Variants in NELL2 observed in about 807,000 individuals in gnomAD.
The protein encoded by NELL2 is protein kinase C-binding protein NELL2.
In NELL2, 41 loss-of-function variants were observed where a neutral mutation model predicts 109.6. The observed-to-expected ratio is 0.37, with a 90% CI of 0.29 to 0.49. The LOEUF is 0.49. Ranked by LOEUF, NELL2 falls within the 20% of genes least tolerant of loss-of-function variation. The probability of loss-of-function intolerance (pLI) is 0.98; values close to 1 mark genes in which losing one functional copy is unlikely to be tolerated. For synonymous variants in NELL2, 355 were observed against 344.7 expected, an observed-to-expected ratio of 1.03 and a Z score of -0.33; for missense variants, 900 against 1,008.3, an observed-to-expected ratio of 0.89 and a Z score of 1.45.
Position 44,717,966 on chromosome 12 carries a change from A to C in NELL2, c.995-3225T>G, listed in dbSNP as rs576705682. Reference sequence around the variant, plus strand: ...GGTGCCCAGGAACAATAACAAGAACAAATGTCTATTACGTTAATTCACTAT... The same window carrying C: ...GGTGCCCAGGAACAATAACAAGAACCAATGTCTATTACGTTAATTCACTAT... On this transcript the variant is annotated intron_variant, in intron 9 of 19. Transcript: ENST00000429094. 6.1e-4 allele frequency among the ~76,000 whole-genome samples: 93 copies of C among 152,286 alleles called. 2 individuals are homozygous for C. Among genetic ancestry groups the C allele is most frequent in the Non-Finnish European group, 7.3e-5 (5 of 68,034 alleles).
chr12:44,887,656 G>GTGT lies in NELL2; in HGVS notation c.39-11759_39-11757dup, dbSNP rs755512287. ...GATTATTGTGTGTGTGTGTGTGTGTGTGTTGTTGTTGTTGTTGTTTTTGTT... is the reference window on the plus strand; with the variant it reads ...GATTATTGTGTGTGTGTGTGTGTGTGTGTTGTTGTTGTTGTTGTTGTTTTTGTT... On this transcript the variant is annotated intron_variant, in intron 1 of 20. Transcript: ENST00000333837. Among the ~76,000 whole-genome samples, 17 of 150,634 alleles carry GTGT rather than the reference G, an allele frequency of 1.1e-4. No homozygotes were observed. The South Asian group carries it at 1.7e-3, about 15-fold the overall frequency.
At chr12:44,804,311 C>CT (rs1437153101) in intron 3 of NELL2, among the ~76,000 whole-genome samples, 3 of 151,854 alleles carry the variant, frequency 2.0e-5, no homozygotes, top group African/African-American at 7.2e-5. Context: ...ACATGAATGA[C>CT]TTTTATTCAG....
intron 14 of NELL2, among the ~76,000 whole-genome samples, chr12:44,610,647 A>T (rs962323538): frequency 2.0e-5 from 3 of 151,994 alleles, no homozygotes; most frequent in Non-Finnish European, 2.9e-5. Context: ...AAAGGAGCTG[A>T]ATGGTTTGGT....
At chr12:44,529,744 G>A (rs1011151386) in intron 16 of NELL2, among the ~76,000 whole-genome samples, 3 of 152,310 alleles carry the variant, frequency 2.0e-5, no homozygotes, top group South Asian at 2.1e-4. Context: ...TTAATTTGGC[G>A]AAGTGGAAAT....
At chr12:44,794,757 G>C (rs1942560162) in intron 3 of NELL2, among the ~76,000 whole-genome samples, 1 of 152,122 alleles carries the variant, frequency 6.6e-6, no homozygotes, top group South Asian at 2.1e-4. Flanking sequence ...ACAATTGTTT[G>C]AGTGATAGAA....
intron 15 of NELL2, among the ~76,000 whole-genome samples, chr12:44,568,163 A>G (rs1348459066): frequency 2.6e-5 from 4 of 152,196 alleles, no homozygotes; most frequent in African/African-American, 9.6e-5. Flanking sequence ...TAAGATTGTA[A>G]AAGAAATGAC....
intron 2 of NELL2, among the ~76,000 whole-genome samples, chr12:44,819,198 G>T (rs1055952263): frequency 2.0e-5 from 3 of 152,160 alleles, no homozygotes; most frequent in African/African-American, 4.8e-5. Context: ...GAAGGAAACT[G>T]TAGGTGAAGG....
At chr12:44,754,378 A>G (rs952899328) in intron 9 of NELL2, among the ~76,000 whole-genome samples, 1 of 152,194 alleles carries the variant, frequency 6.6e-6, no homozygotes, top group Non-Finnish European at 1.5e-5. Context: ...AAAGCATGAG[A>G]TATCACCCTT....
intron 8 of NELL2, among the ~76,000 whole-genome samples, chr12:44,775,443 C>T (rs1941720534): frequency 6.6e-6 from 1 of 152,178 alleles, no homozygotes; most frequent in Non-Finnish European, 1.5e-5. Context: ...TAAAACCAAA[C>T]TCTTTGAACT....
At chr12:44,883,845 C>T (rs1945442456) in intron 1 of NELL2, among the ~76,000 whole-genome samples, 1 of 151,700 alleles carries the variant, frequency 6.6e-6, no homozygotes, top group African/African-American at 2.4e-5. Flanking sequence ...TTAAGAGATA[C>T]AACAGGTAAA....
At chr12:44,743,959 A>T (rs1373253435) in intron 9 of NELL2, among the ~76,000 whole-genome samples, 2 of 152,170 alleles carry the variant, frequency 1.3e-5, no homozygotes, top group African/African-American at 4.8e-5. Flanking sequence ...CCTAATAGAC[A>T]TCTACAGAAC....
intron 19 of NELL2, among the ~76,000 whole-genome samples, chr12:44,512,477 T>A (rs1444789940): frequency 3.4e-5 from 5 of 149,076 alleles, no homozygotes; most frequent in South Asian, 2.1e-4. Context: ...CACTACTGGG[T>A]TTTTACTGAA....
intron 15 of NELL2, among the ~76,000 whole-genome samples, chr12:44,565,463 ACT>A (rs1943620322): frequency 6.6e-6 from 1 of 152,080 alleles, no homozygotes; most frequent in Admixed American, 6.5e-5. Context: ...TTGTATTGTA[ACT>A]CTTGTGTGAC....
intron 13 of NELL2, among the ~76,000 whole-genome samples, chr12:44,624,983 T>C (rs1256341564): frequency 2.5e-5 from 1 of 40,796 alleles, no homozygotes; most frequent in Non-Finnish European, 5.1e-5. Flanking sequence ...GACAAATATA[T>C]ATATATGTGT....
chr12:44,643,564 T>C (rs1946939309), intron 13 of NELL2, among the ~76,000 whole-genome samples: 1 of 152,188 alleles, frequency 6.6e-6, no homozygotes, highest in African/African-American at 2.4e-5. Flanking sequence ...GATTTTAATT[T>C]TCTTCTTTGG....
At chr12:44,746,285 A>T (rs1940346381) in intron 9 of NELL2, among the ~76,000 whole-genome samples, 1 of 152,224 alleles carries the variant, frequency 6.6e-6, no homozygotes, top group African/African-American at 2.4e-5. Context: ...TATACCTTAT[A>T]CAAAAATTAA....
At chr12:44,734,542 T>TC (rs1166363269) in intron 9 of NELL2, among the ~76,000 whole-genome samples, 2 of 151,890 alleles carry the variant, frequency 1.3e-5, no homozygotes, top group African/African-American at 2.4e-5. Flanking sequence ...TTGATTTTTG[T>TC]CCCCCCTGCT....
intron 2 of NELL2, among the ~76,000 whole-genome samples, chr12:44,839,421 T>G (rs1944154618): frequency 6.6e-6 from 1 of 152,182 alleles, no homozygotes; most frequent in Non-Finnish European, 1.5e-5. Context: ...AAAAGAATTA[T>G]TTGTAACAAT....
chr12:44,876,612 G>T, upstream of NELL2: 1 of 1,550,436 alleles, frequency 6.4e-7, no homozygotes. Context: ...CTCACCCCTC[G>T]ATTTCGGGCG....
Sources: allele counts gnomAD v4.1 joint callset (sites outside exome capture counted in the v4.1 genomes callset), GRCh38; gene constraint gnomAD v4.1.1; transcripts MANE v1.5; gene names NCBI Gene and HGNC (gene_info 2026-07-23, HGNC 2026-07-21).